HMCN1: variants seen among roughly 807,000 people sequenced by gnomAD.
HMCN1 encodes hemicentin-1.
A neutral mutation model predicts 625.9 loss-of-function variants in HMCN1; 321 were observed. The observed-to-expected ratio is 0.51, with a 90% CI of 0.47 to 0.56. The LOEUF is 0.56. Among genes scored for constraint, HMCN1 ranks in the 20% least tolerant of loss-of-function variants. The probability of loss-of-function intolerance (pLI) is 0.00; values close to 1 mark genes in which losing one functional copy is unlikely to be tolerated. For synonymous variants in HMCN1, 2,425 were observed against 2,417.6 expected, an observed-to-expected ratio of 1.00 and a Z score of -0.09; for missense variants, 6,588 against 6,887.3, an observed-to-expected ratio of 0.96 and a Z score of 1.54.
In HMCN1 at chr1:186,023,092, C is replaced by T. The variant is rs1654823969; in HGVS notation, c.5688C>T (p.Tyr1896=). 6.2e-7 allele frequency: 1 copy of T among 1,613,076 alleles called. No homozygotes were observed. The highest frequency in any genetic ancestry group is 1.3e-5 in the African/African-American group (1 of 74,864). ...AKTLLEDAGR[Y]TCVATNAAGE... ...CCCTGTTGGAAGATGCTGGCAGATACACATGTGTGGCTACCAACGCAGCTG... is the reference window on the plus strand; with the variant it reads ...CCCTGTTGGAAGATGCTGGCAGATATACATGTGTGGCTACCAACGCAGCTG... Residue 1896 remains tyrosine (Y), a synonymous_variant, in exon 36 of 107, where the codon TAC becomes TAT. Transcript: ENST00000271588.
At chr1:185,989,772 A>ATTTTTTT in intron 21 of HMCN1, 125 bp downstream of exon 21, 5 of 536,080 alleles carry the variant, frequency 9.3e-6, no homozygotes, top group East Asian at 3.4e-5. Context: ...CCAGATTTCT[A>ATTTTTTT]TTTTTTTTTT....
intron 1 of HMCN1, among the ~76,000 whole-genome samples, chr1:185,824,972 A>AT (rs1328328007): frequency 2.6e-5 from 4 of 152,146 alleles, no homozygotes; most frequent in Non-Finnish European, 5.9e-5. Context: ...TGGAGCATTG[A>AT]TATCTAATGA....
chr1:186,184,666 T>G (rs1653166862), intron 105 of HMCN1, among the ~76,000 whole-genome samples: 1 of 152,076 alleles, frequency 6.6e-6, no homozygotes. Context: ...GAATCTAAAT[T>G]ACTTATATTT....
At chr1:186,153,716 A>G (rs1296032812) in intron 96 of HMCN1, 34 bp from the exon 97 acceptor site, 7 of 1,570,574 alleles carry the variant, frequency 4.5e-6, no homozygotes, top group Non-Finnish European at 6.1e-6. Context: ...AGTATGAGCC[A>G]TATTGATCTT....
At position 185,858,586 on chromosome 1, in the gene HMCN1, A is replaced by ATTTTTT. The variant is rs71101980; in HGVS notation, c.340-5842_340-5837dup. On this transcript the variant is annotated intron_variant, in intron 2 of 106. Coordinates refer to ENST00000271588, the MANE Select transcript of HMCN1 (RefSeq NM_031935.3). ...GCCTATATGCCACCACACCCAGCTA[A>ATTTTTT]TTTTTTTTTTTTTTTTTTTTTTTTT... 4.9e-4 allele frequency among the ~76,000 whole-genome samples: 17 copies of ATTTTTT among 34,744 alleles called. 3 individuals are homozygous for ATTTTTT. Among genetic ancestry groups the ATTTTTT allele is most frequent in the Non-Finnish European group, 6.7e-4 (12 of 17,940 alleles). The allele number at this position is 34,744 out of a possible 152,430, so 22.8% of individuals were successfully genotyped here. A position where few individuals can be genotyped will look rare whatever the true frequency, so the allele number is the denominator to read the frequency against.
At chr1:186,014,607 T>C (rs145325070) in intron 30 of HMCN1, among the ~76,000 whole-genome samples, 1 of 152,054 alleles carries the variant, frequency 6.6e-6, no homozygotes, top group Non-Finnish European at 1.5e-5. Flanking sequence ...TTGTAGGAGA[T>C]ATACATGTAG....
intron 68 of HMCN1, among the ~76,000 whole-genome samples, chr1:186,101,164 G>GAA (rs542490368): frequency 1.4e-5 from 2 of 147,726 alleles, no homozygotes; most frequent in African/African-American, 5.0e-5. Context: ...CAACTAGGAA[G>GAA]AAAAAAAAAA....
intron 3 of HMCN1, 97 bp from the exon 4 acceptor site, chr1:185,865,644 A>G (rs1663138005): frequency 2.2e-6 from 2 of 914,312 alleles, no homozygotes; most frequent in Non-Finnish European, 1.7e-6. Flanking sequence ...CACATATTCT[A>G]CTTGCCCAGT....
rs147162010 is a variant in HMCN1 at position 185,945,406 on chromosome 1, T to C, written c.1828+11582T>C. 4.5e-3 allele frequency among the ~76,000 whole-genome samples: 689 copies of C among 152,364 alleles called. 6 individuals carry two copies. The highest frequency in any genetic ancestry group is 6.9e-3 in the Non-Finnish European group (470 of 68,028). On this transcript the variant is annotated intron_variant, in intron 11 of 106. Transcript: ENST00000271588. ...GGTGTCTTATTTGTTCATTTGTTTG[T>C]ACATTTATTTATTCACAAAAAAAAT...
chr1:185,827,957 T>A (rs1377774915), intron 1 of HMCN1, among the ~76,000 whole-genome samples: 1 of 152,210 alleles, frequency 6.6e-6, no homozygotes, highest in Non-Finnish European at 1.5e-5. Context: ...AATCTATGTG[T>A]TGAGTGTGAC....
At position 186,076,480 on chromosome 1, in the gene HMCN1, C is replaced by A. The variant is rs756971978; in HGVS notation, c.8343C>A (p.Gly2781=). The A allele has an allele frequency of 1.1e-5, 18 of 1,613,570 alleles. No individual in the cohort carries two copies. The East Asian group carries it at 3.6e-4, about 32-fold the overall frequency. Residue 2781 remains glycine (G), a synonymous_variant, in exon 54 of 107, where the codon GGC becomes GGA. Transcript: ENST00000271588. ...LWEIGNMLDT[G]RNGEAKDVII... Reference sequence around the variant, plus strand: ...AAATAGGAAACATGCTAGATACTGGCAGGAATGGTGAAGCCAAAGATGTGA... The same window carrying A: ...AAATAGGAAACATGCTAGATACTGGAAGGAATGGTGAAGCCAAAGATGTGA...
chr1:185,796,666 A>T (rs1451029774), intron 1 of HMCN1, among the ~76,000 whole-genome samples: 1 of 152,152 alleles, frequency 6.6e-6, no homozygotes, highest in Admixed American at 6.5e-5. Context: ...ATACTCACAT[A>T]TATACACTTT....
chr1:186,147,150 A>T (rs1449712537), intron 93 of HMCN1, among the ~76,000 whole-genome samples: 3 of 152,152 alleles, frequency 2.0e-5, no homozygotes, highest in Non-Finnish European at 4.4e-5. Context: ...GCCCTCTCAG[A>T]TGTGGCAAGC....
At position 185,930,668 on chromosome 1, in the gene HMCN1, G is replaced by A. The variant is rs552935862; in HGVS notation, c.1552+2001G>A. ...CTTTTTTTCTAGTTGACGTGTTTGA[G>A]GACTTTTGGTTCAATTGAAATGTTG... On this transcript the variant is annotated intron_variant, in intron 10 of 106. Transcript: ENST00000271588. Among the ~76,000 whole-genome samples, 16 of 151,992 alleles carry A rather than the reference G, an allele frequency of 1.1e-4. No homozygotes were observed. The South Asian group carries it at 3.1e-3, about 30-fold the overall frequency.
intron 30 of HMCN1, among the ~76,000 whole-genome samples, chr1:186,009,112 C>A (rs1221786567): frequency 6.6e-6 from 1 of 152,150 alleles, no homozygotes; most frequent in Non-Finnish European, 1.5e-5. Flanking sequence ...CCCACCAGAG[C>A]CAGACTTTTA....
At chr1:186,170,387 G>A (rs1208076322) in intron 100 of HMCN1, among the ~76,000 whole-genome samples, 1 of 152,154 alleles carries the variant, frequency 6.6e-6, no homozygotes, top group African/African-American at 2.4e-5. Context: ...AAGACAGTGT[G>A]GCGATTGCTC....
At chr1:186,098,159 T>C (rs1660223073) in intron 68 of HMCN1, among the ~76,000 whole-genome samples, 2 of 151,752 alleles carry the variant, frequency 1.3e-5, no homozygotes, top group South Asian at 4.2e-4. Flanking sequence ...TTTTTCTGGA[T>C]AAGAACTCAA....
chr1:186,183,227 A>AT (rs942422354), intron 105 of HMCN1, among the ~76,000 whole-genome samples: 2 of 152,158 alleles, frequency 1.3e-5, no homozygotes, highest in African/African-American at 4.8e-5. Flanking sequence ...TTTAGATTGA[A>AT]TTTTTTTCTC....
At chr1:186,156,966 C>T (rs192828762) in intron 97 of HMCN1, among the ~76,000 whole-genome samples, 5 of 152,194 alleles carry the variant, frequency 3.3e-5, no homozygotes, top group African/African-American at 9.6e-5. Context: ...ACCTGGGTTG[C>T]ACACCCGTGG....
Sources: gnomAD v4.1 joint callset for allele counts (sites outside exome capture counted in the v4.1 genomes callset) on GRCh38, gnomAD v4.1.1 for gene constraint, MANE v1.5 for transcripts, NCBI Gene and HGNC (gene_info 2026-07-23, HGNC 2026-07-21) for gene names.